CNOT1: variants seen among roughly 807,000 people sequenced by gnomAD.
The protein encoded by CNOT1 is CCR4-NOT transcription complex subunit 1.
In CNOT1, 15 loss-of-function variants were observed where a neutral mutation model predicts 273.8. The ratio of observed to expected loss-of-function variants is 0.05; its 90% CI spans 0.04 to 0.08. The LOEUF is 0.08. Among genes scored for constraint, CNOT1 ranks in the 10% least tolerant of loss-of-function variants. The pLI is 1.00. For missense variants in CNOT1, 1,644 were observed against 2,912.2 expected, an observed-to-expected ratio of 0.56 and a Z score of 10.02; for synonymous variants, 1,022 against 1,005.5, an observed-to-expected ratio of 1.02 and a Z score of -0.31.
chr16:58,624,616 T>C (rs1481886898), intron 1 of CNOT1: 3 of 152,032 alleles, frequency 2.0e-5, no homozygotes, highest in African/African-American at 4.8e-5. Flanking sequence ...CTGACCAACA[T>C]GGTGAACCAG....
chr16:58,545,561 A>C, intron 29 of CNOT1, 70 bp from the exon 30 acceptor site: 1 of 1,594,578 alleles, frequency 6.3e-7, no homozygotes, highest in Non-Finnish European at 8.5e-7. Flanking sequence ...TTAGCTTAAT[A>C]TCATTAAGTG....
intron 12 of CNOT1, 77 bp downstream of exon 12, chr16:58,580,556 A>G (rs762181414): frequency 7.3e-5 from 112 of 1,535,784 alleles, no homozygotes; most frequent in Middle Eastern, 1.8e-4. Flanking sequence ...TTAACTATGT[A>G]CTTGGCTTAC....
At chr16:58,598,842 G>C (rs943021371) in intron 2 of CNOT1, among the ~76,000 whole-genome samples, 1 of 152,048 alleles carries the variant, frequency 6.6e-6, no homozygotes, top group Non-Finnish European at 1.5e-5. Flanking sequence ...CGGATCACTT[G>C]AGGTTGGGAG....
chr16:58,561,749 G>A (rs534649278), intron 16 of CNOT1, among the ~76,000 whole-genome samples: 3 of 152,268 alleles, frequency 2.0e-5, no homozygotes, highest in African/African-American at 7.2e-5. Context: ...TATTAAGCAA[G>A]TAAGTATAAT....
At chr16:58,589,658 G>A (rs2041990190) in intron 2 of CNOT1, among the ~76,000 whole-genome samples, 1 of 152,114 alleles carries the variant, frequency 6.6e-6, no homozygotes, top group South Asian at 2.1e-4. Flanking sequence ...TGTAACAAAA[G>A]GTTTTTTTTT....
intron 1 of CNOT1, among the ~76,000 whole-genome samples, chr16:58,602,482 G>A (rs1157480461): frequency 1.3e-5 from 2 of 149,992 alleles, no homozygotes; most frequent in African/African-American, 2.5e-5. Flanking sequence ...AAACCTGAGA[G>A]GCGGAGGTTG....
chr16:58,549,115 C>G (rs935975930), intron 25 of CNOT1, among the ~76,000 whole-genome samples: 1 of 151,794 alleles, frequency 6.6e-6, no homozygotes, highest in Non-Finnish European at 1.5e-5. Flanking sequence ...ATGATTAAAC[C>G]CCGTCTCTAC....
At chr16:58,575,157 C>G in intron 14 of CNOT1, 28 bp from the exon 15 acceptor site, 1 of 1,600,510 alleles carries the variant, frequency 6.2e-7, no homozygotes, top group Non-Finnish European at 8.5e-7. Context: ...TTAGATAATG[C>G]AAATGGAGCA....
chr16:58,528,950 A>C lies in CNOT1; in HGVS notation c.6280-302T>G, dbSNP rs186026297. On this transcript the variant is annotated intron_variant, in intron 43 of 48. Transcript: ENST00000317147. ...GTCTATCTTCAGAAGCTAAAAAAAAAAAAGAACTAATGAAAACCAAAGAAA... is the reference window on the plus strand; with the variant it reads ...GTCTATCTTCAGAAGCTAAAAAAAACAAAGAACTAATGAAAACCAAAGAAA... 2.6e-5 allele frequency among the ~76,000 whole-genome samples: 4 copies of C among 152,152 alleles called. No homozygotes were observed. The East Asian group carries it at 7.7e-4, about 29-fold the overall frequency.
chr16:58,590,096 A>T (rs1401147759), intron 2 of CNOT1, among the ~76,000 whole-genome samples: 1 of 152,218 alleles, frequency 6.6e-6, no homozygotes. Flanking sequence ...ATAATTGAGC[A>T]CAGTGTATGT....
At chr16:58,538,646 G>T in intron 36 of CNOT1, 126 bp downstream of exon 36, 2 of 1,381,948 alleles carry the variant, frequency 1.4e-6, no homozygotes, top group Admixed American at 2.4e-5. Context: ...CCTCTCAGAA[G>T]TAGGAAGTCT....
chr16:58,583,103 T>C lies in CNOT1; in HGVS notation c.886A>G (p.Met296Val). The C allele has an allele frequency of 6.2e-7, 1 of 1,614,084 alleles. No individual in the cohort carries two copies. Among genetic ancestry groups the C allele is most frequent in the Non-Finnish European group, 8.5e-7 (1 of 1,180,028 alleles). The change falls in exon 9 of 49, where the codon ATG (methionine) becomes GTG (valine). Residue 296 changes from methionine (M) to valine (V), a missense_variant. By Grantham distance (21) the Met-to-Val change is conservative. Around this residue, in one of 13 missense-constraint regions of CNOT1, gnomAD observed 706 missense variants for 1,021.2 expected, o/e 0.69. Coordinates refer to ENST00000317147, the MANE Select transcript of CNOT1 (RefSeq NM_016284.5). The part of the protein sequence containing the change: ...TAAQVARVLG[M>V]MARTHSGLTD... ...AATCCTGAATGAGTTCGAGCCATCA[T>C]TCCCAAAACCCTTGCAACCTGGGCA... is the stretch of plus-strand genomic sequence containing the variant.
At chr16:58,553,657 C>CTA in intron 22 of CNOT1, 125 bp downstream of exon 22, 1 of 1,213,090 alleles carries the variant, frequency 8.2e-7, no homozygotes, top group Non-Finnish European at 1.1e-6. Context: ...ATATGTGTAC[C>CTA]TATATCATGC....
intron 1 of CNOT1, among the ~76,000 whole-genome samples, chr16:58,625,684 CA>C (rs374135053): frequency 3.3e-4 from 47 of 142,272 alleles, no homozygotes; most frequent in African/African-American, 8.5e-4. Context: ...AACTCTCTCT[CA>C]AAAAAAAAAG....
intron 15 of CNOT1, 33 bp downstream of exon 15, chr16:58,574,974 A>G (rs999284244): frequency 2.5e-6 from 4 of 1,605,896 alleles, no homozygotes; most frequent in African/African-American, 2.7e-5. Flanking sequence ...ACCAAAATTT[A>G]AGAGCAAAAA....
At position 58,551,814 on chromosome 16, in the gene CNOT1, A is replaced by C; in HGVS notation, c.2976T>G (p.Ile992Met). 1.9e-6 allele frequency: 3 copies of C among 1,614,070 alleles called. No homozygotes were observed. The highest frequency in any genetic ancestry group is 2.5e-6 in the Non-Finnish European group (3 of 1,179,968). ...MQFPHHLQEY[I>M]EYGQQSRDPP... ...GATCTCTAGACTGCTGTCCATACTC[A>C]ATATACTAAAAGGGTAGGGAGAGGA... The change falls in exon 23 of 49, where the codon ATT (isoleucine) becomes ATG (methionine). Residue 992 changes from isoleucine to methionine, a missense_variant. By Grantham distance (10) the Ile-to-Met change is conservative (BLOSUM62 1). Coordinates refer to ENST00000317147, the MANE Select transcript of CNOT1 (RefSeq NM_016284.5).
At chr16:58,604,380 G>A (rs184652483) in intron 1 of CNOT1, among the ~76,000 whole-genome samples, 12 of 152,236 alleles carry the variant, frequency 7.9e-5, no homozygotes, top group African/African-American at 2.2e-4. Flanking sequence ...GATTTGTAGC[G>A]CTGGATCATT....
chr16:58,557,779 G>C (rs2040683172), intron 18 of CNOT1, among the ~76,000 whole-genome samples: 1 of 152,062 alleles, frequency 6.6e-6, no homozygotes, highest in African/African-American at 2.4e-5. Flanking sequence ...ACCTGAGGTC[G>C]GGAATTCGAG....
chr16:58,543,075 A>G (rs1012099384), intron 31 of CNOT1: 3 of 1,204,804 alleles, frequency 2.5e-6, no homozygotes, highest in Non-Finnish European at 3.2e-6. Flanking sequence ...CCTAAGCTAC[A>G]GAGTGAGACC....
Sources: allele counts gnomAD v4.1 joint callset (sites outside exome capture counted in the v4.1 genomes callset), GRCh38; gene constraint gnomAD v4.1.1; regional missense constraint gnomAD v4.1.1; transcripts MANE v1.5; gene names NCBI Gene and HGNC (gene_info 2026-07-23, HGNC 2026-07-21).